DCLK1: variants seen among roughly 807,000 people sequenced by gnomAD.
The protein encoded by DCLK1 is serine/threonine-protein kinase DCLK1.
Under a neutral mutation model 86.2 loss-of-function variants are expected in DCLK1, and 16 were observed. That is an observed-to-expected ratio of 0.19 (90% CI 0.13 to 0.28). The LOEUF is 0.28. DCLK1 is among the 10% of genes least tolerant of loss of function. The probability of loss-of-function intolerance (pLI) is 1.00; values close to 1 mark genes in which losing one functional copy is unlikely to be tolerated. For synonymous variants in DCLK1, 369 were observed against 370.5 expected (o/e 1.00, Z 0.05); for missense variants, 590 against 940.2 (o/e 0.63, Z 4.87).
At chr13:36,117,101 G>A (rs1049722515) in intron 2 of DCLK1, among the ~76,000 whole-genome samples, 2 of 151,962 alleles carry the variant, frequency 1.3e-5, no homozygotes, top group African/African-American at 4.8e-5. Flanking sequence ...ACTTGAATGT[G>A]TATGTCAGAC....
At chr13:36,027,733 G>T (rs1882101515) in intron 3 of DCLK1, among the ~76,000 whole-genome samples, 2 of 152,092 alleles carry the variant, frequency 1.3e-5, no homozygotes, top group Admixed American at 6.6e-5. Context: ...TCTTTTGTTT[G>T]TTTGTTTGTT....
chr13:35,991,507 A>T (rs554733350), intron 3 of DCLK1, among the ~76,000 whole-genome samples: 7 of 152,056 alleles, frequency 4.6e-5, no homozygotes, highest in African/African-American at 1.7e-4. Flanking sequence ...TGAAAAATTT[A>T]AAAAATTAGC....
intron 4 of DCLK1, among the ~76,000 whole-genome samples, chr13:35,928,711 A>C (rs1219180702): frequency 6.6e-6 from 1 of 152,190 alleles, no homozygotes; most frequent in Admixed American, 6.5e-5. Context: ...CCCATTGTAG[A>C]TATTCACTCA....
intron 3 of DCLK1, among the ~76,000 whole-genome samples, chr13:36,018,062 A>G (rs1378591832): frequency 6.6e-6 from 1 of 152,202 alleles, no homozygotes; most frequent in Non-Finnish European, 1.5e-5. Flanking sequence ...AAAGATTAAC[A>G]CACTTGCCTA....
chr13:35,837,065 A>C (rs968397577), intron 7 of DCLK1, among the ~76,000 whole-genome samples: 10 of 152,002 alleles, frequency 6.6e-5, no homozygotes, highest in Admixed American at 4.6e-4. Context: ...TTCTAAATGC[A>C]CTCCTCTTCC....
chr13:35,960,887 C>T (rs776530761), intron 3 of DCLK1, among the ~76,000 whole-genome samples: 3 of 152,188 alleles, frequency 2.0e-5, no homozygotes, highest in Non-Finnish European at 4.4e-5. Context: ...TTACTGATGG[C>T]CTTCTCTTAC....
At chr13:35,989,033 A>G (rs556549282) in intron 3 of DCLK1, among the ~76,000 whole-genome samples, 2 of 152,134 alleles carry the variant, frequency 1.3e-5, no homozygotes, top group South Asian at 4.2e-4. Flanking sequence ...GTAAATGTAA[A>G]TTTTCAGCAA....
chr13:36,098,805 T>A (rs7988209), intron 3 of DCLK1, among the ~76,000 whole-genome samples: 1 of 151,896 alleles, frequency 6.6e-6, no homozygotes, highest in Non-Finnish European at 1.5e-5. Context: ...TCCCAATACA[T>A]CTTAATGGGA....
rs763072309 is a variant in DCLK1, at chr13:36,014,770, G to A, written c.724-67313C>T. ...TTATTCAGTATATTAGTGTGTTTAAGTGGTGTATATTTAAAAAGAAAATAG... is the reference window on the plus strand; with the variant it reads ...TTATTCAGTATATTAGTGTGTTTAAATGGTGTATATTTAAAAAGAAAATAG... On this transcript the variant is annotated intron_variant, in intron 3 of 16. Coordinates refer to ENST00000360631, the MANE Select transcript of DCLK1 (RefSeq NM_001330071.2). Among the ~76,000 whole-genome samples, 180 of 152,188 alleles carry A rather than the reference G, an allele frequency of 1.2e-3. 1 individual carries two copies. Among genetic ancestry groups the A allele is most frequent in the Non-Finnish European group, 2.3e-3 (155 of 68,038 alleles).
chr13:36,046,709 G>A (rs1882927218), intron 3 of DCLK1, among the ~76,000 whole-genome samples: 1 of 152,144 alleles, frequency 6.6e-6, no homozygotes, highest in Admixed American at 6.6e-5. Flanking sequence ...CCCATTTTTA[G>A]TAACTCTCGA....
intron 3 of DCLK1, among the ~76,000 whole-genome samples, chr13:35,981,498 C>G (rs1477033865): frequency 6.6e-6 from 1 of 152,096 alleles, no homozygotes; most frequent in Non-Finnish European, 1.5e-5. Context: ...TCACTACCAC[C>G]CAGAATCCAT....
At chr13:35,850,876 T>C in intron 6 of DCLK1, 1 of 1,022,914 alleles carries the variant, frequency 9.8e-7, no homozygotes, top group Non-Finnish European at 1.3e-6. Context: ...CAGTTTCTAC[T>C]ATTATTAGAC....
intron 3 of DCLK1, among the ~76,000 whole-genome samples, chr13:36,078,717 G>T (rs1032268796): frequency 6.6e-6 from 1 of 152,104 alleles, no homozygotes; most frequent in Admixed American, 6.6e-5. Flanking sequence ...ATTAGCTCTT[G>T]GTAGACAGAC....
At position 35,849,955 on chromosome 13, in the gene DCLK1, G is replaced by A; in HGVS notation, c.1035+4544C>T. 6.3e-6 allele frequency: 6 copies of A among 957,648 alleles called. No individual in the cohort carries two copies. In the South Asian group the frequency reaches 2.9e-4, roughly 46 times the overall value. The allele number at this position is 957,648 out of a possible 1,614,324, so 59.3% of individuals were successfully genotyped here. A position where few individuals can be genotyped will look rare whatever the true frequency, so the allele number is the denominator to read the frequency against. The stretch of plus-strand genomic sequence containing the variant: ...AAAAAATTATACAATCTATAGCAAT[G>A]CCATTGGCCAAGTTCTTCATATTGG... On this transcript the variant is annotated intron_variant, in intron 6 of 16. Coordinates refer to ENST00000360631, the MANE Select transcript of DCLK1 (RefSeq NM_001330071.2).
At chr13:36,089,239 C>T (rs759937448) in intron 3 of DCLK1, among the ~76,000 whole-genome samples, 5 of 152,058 alleles carry the variant, frequency 3.3e-5, no homozygotes, top group African/African-American at 9.7e-5. Context: ...CACATATCTG[C>T]GAATAAATAT....
intron 4 of DCLK1, among the ~76,000 whole-genome samples, chr13:35,938,639 A>G (rs553169369): frequency 6.6e-6 from 1 of 151,886 alleles, no homozygotes; most frequent in East Asian, 1.9e-4. Context: ...AAAAAAAAAA[A>G]GCCCTAGCGG....
At chr13:36,121,816 A>C (rs2138211170) in intron 2 of DCLK1, among the ~76,000 whole-genome samples, 1 of 152,222 alleles carries the variant, frequency 6.6e-6, no homozygotes, top group Non-Finnish European at 1.5e-5. Flanking sequence ...ACCCTCAAGA[A>C]ACTAGTAGGC....
intron 16 of DCLK1, among the ~76,000 whole-genome samples, chr13:35,787,347 G>A (rs1320042992): frequency 1.3e-5 from 2 of 151,310 alleles, no homozygotes; most frequent in Non-Finnish European, 2.9e-5. Context: ...ACATTAAGAT[G>A]GCGAAAACAG....
intron 4 of DCLK1, among the ~76,000 whole-genome samples, chr13:35,897,335 G>A (rs1199172229): frequency 6.6e-6 from 1 of 152,224 alleles, no homozygotes; most frequent in African/African-American, 2.4e-5. Flanking sequence ...CCAGACAGGG[G>A]CCTGTGCTGT....
Sources: gnomAD v4.1 joint callset for allele counts (sites outside exome capture counted in the v4.1 genomes callset) on GRCh38, gnomAD v4.1.1 for gene constraint, MANE v1.5 for transcripts, NCBI Gene and HGNC (gene_info 2026-07-23, HGNC 2026-07-21) for gene names.